Variants in KMT2C observed in about 807,000 individuals in gnomAD.
The protein encoded by KMT2C is lysine methyltransferase 2C.
KMT2C carries 88 observed loss-of-function variants against 507.9 expected under a neutral mutation model. The observed-to-expected ratio is 0.17, with a 90% CI of 0.15 to 0.21. KMT2C has a LOEUF of 0.21. KMT2C is among the 10% of genes least tolerant of loss of function. KMT2C has a pLI of 1.00. For missense variants in KMT2C, 4,954 were observed against 5,957.8 expected (o/e 0.83, Z 5.55); for synonymous variants, 2,049 against 2,080.8 (o/e 0.98, Z 0.42).
intron 10 of KMT2C, 35 bp downstream of exon 10, chr7:152,252,511 G>A (rs2095577859): frequency 1.3e-6 from 2 of 1,565,170 alleles, no homozygotes; most frequent in Non-Finnish European, 1.8e-6. Context: ...TAAAACAATC[G>A]ACAAAACAAC....
At chr7:152,413,006 A>G (rs1255453351) in intron 1 of KMT2C, among the ~76,000 whole-genome samples, 1 of 152,160 alleles carries the variant, frequency 6.6e-6, no homozygotes, top group African/African-American at 2.4e-5. Context: ...TCTACAAGGC[A>G]GTTGACTGTA....
intron 16 of KMT2C, among the ~76,000 whole-genome samples, chr7:152,232,786 A>C (rs2095159903): frequency 6.6e-6 from 1 of 152,198 alleles, no homozygotes; most frequent in African/African-American, 2.4e-5. Context: ...TAAGAAATTA[A>C]GTGACTACTA....
intron 8 of KMT2C, among the ~76,000 whole-genome samples, chr7:152,263,580 T>C (rs1028811728): frequency 2.6e-5 from 4 of 152,200 alleles, no homozygotes; most frequent in African/African-American, 9.7e-5. Flanking sequence ...TTTCTAGCTG[T>C]GTCACTAAAC....
chr7:152,167,050 A>G (rs1292920160), intron 42 of KMT2C, 96 bp downstream of exon 42: 2 of 1,007,060 alleles, frequency 2.0e-6, no homozygotes, highest in Non-Finnish European at 3.0e-6. Flanking sequence ...ATACTAGTCA[A>G]AAAAAATCAC....
chr7:152,224,051 T>C lies in KMT2C; in HGVS notation c.3287A>G (p.Glu1096Gly). ...SCPVCYRNYR[E>G]EDLILQCRQC... Reference sequence around the variant, plus strand: ...TCTACATTGCAGAATAAGATCTTCTTCTCTATAGTTTCGATAGCAGACTGG... The same window carrying C: ...TCTACATTGCAGAATAAGATCTTCTCCTCTATAGTTTCGATAGCAGACTGG... Residue 1096 changes from glutamate to glycine, a missense_variant, in exon 20 of 59, where the codon GAA (glutamate) becomes GGA (glycine). By Grantham distance (98) the Glu-to-Gly change is moderately conservative. Around this residue, in one of 29 missense-constraint regions of KMT2C, gnomAD observed 52 missense variants for 162.4 expected, o/e 0.32. Coordinates refer to ENST00000262189, the MANE Select transcript of KMT2C (RefSeq NM_170606.3). The C allele has an allele frequency of 1.2e-6, 2 of 1,611,228 alleles. No individual in the cohort carries two copies. Among genetic ancestry groups the C allele is most frequent in the South Asian group, 1.1e-5 (1 of 90,972 alleles).
chr7:152,260,506 G>T (rs2095750982), intron 9 of KMT2C, among the ~76,000 whole-genome samples: 13 of 151,852 alleles, frequency 8.6e-5, no homozygotes. Flanking sequence ...GTGCTGGGGT[G>T]GCGTGGGGGA....
intron 41 of KMT2C, among the ~76,000 whole-genome samples, chr7:152,167,686 C>A (rs1199579362): frequency 6.6e-6 from 1 of 152,096 alleles, no homozygotes; most frequent in Non-Finnish European, 1.5e-5. Flanking sequence ...TAAACAAATT[C>A]TCTAACCCAC....
At chr7:152,376,118 G>T (rs968676584) in intron 1 of KMT2C, among the ~76,000 whole-genome samples, 1 of 152,162 alleles carries the variant, frequency 6.6e-6, no homozygotes, top group Non-Finnish European at 1.5e-5. Flanking sequence ...TGTTACTATT[G>T]TAATTGTTTT....
chr7:152,250,779 T>C, intron 12 of KMT2C, 74 bp downstream of exon 12: 1 of 810,802 alleles, frequency 1.2e-6, no homozygotes. Flanking sequence ...ACTGAAGTTT[T>C]AGTCAATATT....
At chr7:152,418,152 C>G (rs2097757359) in intron 1 of KMT2C, among the ~76,000 whole-genome samples, 2 of 150,342 alleles carry the variant, frequency 1.3e-5, no homozygotes, top group South Asian at 4.2e-4. Context: ...GTTGGCCAGG[C>G]TGGTGTCAAA....
chr7:152,224,930 A>G (rs2094882967), intron 18 of KMT2C, among the ~76,000 whole-genome samples: 1 of 149,658 alleles, frequency 6.7e-6, no homozygotes, highest in Non-Finnish European at 1.5e-5. Context: ...GAAATCAAGT[A>G]AGCTTCCCTA....
chr7:152,374,095 T>C (rs996616946), intron 1 of KMT2C, among the ~76,000 whole-genome samples: 3 of 152,066 alleles, frequency 2.0e-5, no homozygotes, highest in Middle Eastern at 3.4e-3. Context: ...GGCAGATCAC[T>C]TGAGGCCAGG....
At chr7:152,330,004 C>T (rs2096865796) in intron 3 of KMT2C, among the ~76,000 whole-genome samples, 1 of 151,516 alleles carries the variant, frequency 6.6e-6, no homozygotes, top group African/African-American at 2.4e-5. Context: ...ATTAGCTGGG[C>T]ATGGTGGTGC....
chr7:152,253,514 C>CAAAAAAAAAAA lies in KMT2C; in HGVS notation c.1300-810_1300-800dup, dbSNP rs71198770. Among the ~76,000 whole-genome samples the CAAAAAAAAAAA allele has an allele frequency of 4.2e-3, 165 of 39,508 alleles. 9 individuals carry two copies. Among genetic ancestry groups the CAAAAAAAAAAA allele is most frequent in the African/African-American group, 0.013 (161 of 12,812 alleles). 25.9% of individuals were successfully genotyped at this position (39,508 alleles called of 152,430 possible). On this transcript the variant is annotated intron_variant, in intron 9 of 58. Transcript: ENST00000262189. The stretch of plus-strand genomic sequence containing the variant: ...AGAAGGCAAAACACCTCTTTCTCTA[C>CAAAAAAAAAAA]AAAAAAAAAAAAAAAAAAAAAAAAA...
At position 152,179,971 on chromosome 7, in the gene KMT2C, G is replaced by C. The variant is rs2129118109; in HGVS notation, c.7305C>G (p.Pro2435=). 1.2e-6 allele frequency: 2 copies of C among 1,614,126 alleles called. No homozygotes were observed. Among genetic ancestry groups the C allele is most frequent in the Non-Finnish European group, 1.7e-6 (2 of 1,180,028 alleles). The part of the protein sequence containing the change: ...PENVNQAFTR[P]PPPYPGNIRS... Reference sequence around the variant, plus strand: ...TAATGTTCCCAGGATAGGGAGGTGGGGGTCTGGTGAAAGCCTGGTTAACAT... The same window carrying C: ...TAATGTTCCCAGGATAGGGAGGTGGCGGTCTGGTGAAAGCCTGGTTAACAT... The change falls in exon 37 of 59, where the codon CCC becomes CCG. Residue 2435 remains proline (P), a synonymous_variant. Transcript: ENST00000262189.
intron 14 of KMT2C, among the ~76,000 whole-genome samples, chr7:152,243,874 C>A (rs1410869941): frequency 6.6e-6 from 1 of 152,028 alleles, no homozygotes; most frequent in Non-Finnish European, 1.5e-5. Context: ...CTTTCAATAC[C>A]ATCATGAAAG....
chr7:152,171,895 T>C (rs2092978602), intron 39 of KMT2C, among the ~76,000 whole-genome samples: 6 of 152,224 alleles, frequency 3.9e-5, no homozygotes, highest in Admixed American at 3.3e-4. Context: ...AAATCAAAAA[T>C]GGACGACTGA....
chr7:152,205,114 C>G lies in KMT2C; in HGVS notation c.3953G>C (p.Arg1318Thr), dbSNP rs2129137267. Residue 1318 changes from arginine to threonine, a missense_variant, in exon 25 of 59, where the codon AGA becomes ACA. Physicochemically the swap from Arg to Thr is moderately conservative, Grantham distance 71. Coordinates refer to ENST00000262189, the MANE Select transcript of KMT2C (RefSeq NM_170606.3). ...TTAAGTCAGTACTATACCATCATCT[C>G]TGCAAGGTAACTGCTCGGAAATAGA... Reference protein sequence around the residue: ...SGSISEQLPCRDDGWSEQLPD... With the variant: ...SGSISEQLPCTDDGWSEQLPD... 6.2e-7 allele frequency: 1 copy of G among 1,611,024 alleles called. No homozygotes were observed. The highest frequency in any genetic ancestry group is 8.5e-7 in the Non-Finnish European group (1 of 1,178,160).
At chr7:152,435,472 CCGGGGCCGGGAGCCGCCACCGCCCG>C (rs1303041311) in intron 1 of KMT2C, among the ~76,000 whole-genome samples, 129 bp downstream of exon 1, 1 of 145,640 alleles carries the variant, frequency 6.9e-6, no homozygotes, top group Non-Finnish European at 1.5e-5. Context: ...GGGCGCGGGG[CCGGGGCCGGGAGCCGCCACCGCCCG>C]CGGGCCCGCC....
Sources: allele counts gnomAD v4.1 joint callset (sites outside exome capture counted in the v4.1 genomes callset), GRCh38; gene constraint gnomAD v4.1.1; regional missense constraint gnomAD v4.1.1; transcripts MANE v1.5; gene names NCBI Gene and HGNC (gene_info 2026-07-23, HGNC 2026-07-21).